The following FER variants were observed in gnomAD, a reference collection of about 807,000 sequenced individuals.
The protein encoded by FER is tyrosine-protein kinase Fer.
FER carries 63 observed loss-of-function variants against 111.0 expected under a neutral mutation model. The ratio of observed to expected loss-of-function variants is 0.57; its 90% confidence interval spans 0.46 to 0.70. The LOEUF (loss-of-function observed/expected upper bound fraction) is 0.70, where lower values mean the gene tolerates loss of function less well. Ranked by LOEUF, FER falls within the 30% of genes least tolerant of loss-of-function variation. The pLI, the probability that FER is intolerant of heterozygous loss-of-function variation, is 0.00. For synonymous variants in FER, 327 were observed against 313.9 expected (o/e 1.04, Z -0.44); for missense variants, 914 against 954.0 (o/e 0.96, Z 0.55).
intron 2 of FER, among the ~76,000 whole-genome samples, chr5:108,794,736 A>C (rs1755819567): frequency 6.6e-6 from 1 of 152,044 alleles, no homozygotes; most frequent in African/African-American, 2.4e-5. Context: ...TAAGATTTCC[A>C]CTGAAAAGGC....
chr5:108,952,630 T>A (rs1002056479), intron 11 of FER, among the ~76,000 whole-genome samples: 1 of 147,952 alleles, frequency 6.8e-6, no homozygotes, highest in Non-Finnish European at 1.5e-5. Context: ...GTGTGATCTT[T>A]ATGAGATAGC....
At chr5:108,882,350 A>G (rs1665915266) in intron 8 of FER, among the ~76,000 whole-genome samples, 1 of 151,982 alleles carries the variant, frequency 6.6e-6, no homozygotes, top group Non-Finnish European at 1.5e-5. Context: ...TGTCAATTTT[A>G]GTAGGTGAAA....
At chr5:108,789,223 C>A (rs1015215121) in intron 2 of FER, among the ~76,000 whole-genome samples, 2 of 152,138 alleles carry the variant, frequency 1.3e-5, no homozygotes, top group Non-Finnish European at 2.9e-5. Flanking sequence ...AAAATTGTAA[C>A]CTTGTGTTAA....
intron 17 of FER, among the ~76,000 whole-genome samples, chr5:109,107,466 G>C (rs556487675): frequency 2.0e-5 from 3 of 151,978 alleles, no homozygotes; most frequent in African/African-American, 7.2e-5. Flanking sequence ...TTCTTTTTCT[G>C]CTCCTCTCCC....
chr5:108,887,269 A>T (rs1747312972), intron 9 of FER, among the ~76,000 whole-genome samples: 1 of 151,722 alleles, frequency 6.6e-6, no homozygotes, highest in African/African-American at 2.4e-5. Context: ...AAAATATGAG[A>T]CTAAAACCAC....
chr5:109,047,296 C>A, intron 16 of FER, 98 bp downstream of exon 16: 2 of 675,682 alleles, frequency 3.0e-6, no homozygotes, highest in Non-Finnish European at 5.0e-6. Flanking sequence ...GTAAAGTCTC[C>A]AAGGATTTTG....
At chr5:108,865,119 A>C (rs1443890828) in intron 5 of FER, among the ~76,000 whole-genome samples, 1 of 152,194 alleles carries the variant, frequency 6.6e-6, no homozygotes, top group Non-Finnish European at 1.5e-5. Context: ...TCTTTGAAGC[A>C]ATTGTGAATG....
chr5:108,821,724 T>C (rs34793372), intron 3 of FER, among the ~76,000 whole-genome samples: 7,971 of 151,702 alleles, frequency 0.053, 298 homozygotes, highest in Non-Finnish European at 0.075. Flanking sequence ...ATAATTATTT[T>C]ATTTTTTAAG....
chr5:109,072,258 C>T (rs1188684680), intron 16 of FER, among the ~76,000 whole-genome samples: 5 of 151,060 alleles, frequency 3.3e-5, no homozygotes, highest in African/African-American at 9.7e-5. Flanking sequence ...ATTCTATGCT[C>T]GCAAATGAAA....
At chr5:109,143,391 A>G (rs897424341) in intron 17 of FER, among the ~76,000 whole-genome samples, 1 of 152,152 alleles carries the variant, frequency 6.6e-6, no homozygotes, top group Non-Finnish European at 1.5e-5. Context: ...AGGACAAGCA[A>G]AAACATTTGG....
At chr5:108,791,849 A>G (rs1158091028) in intron 2 of FER, among the ~76,000 whole-genome samples, 2 of 152,100 alleles carry the variant, frequency 1.3e-5, no homozygotes, top group Non-Finnish European at 2.9e-5. Context: ...TTCACAGTTA[A>G]TGTTTTGTGT....
chr5:109,163,259 A>G (rs1213050567), intron 17 of FER, among the ~76,000 whole-genome samples: 1 of 151,996 alleles, frequency 6.6e-6, no homozygotes, highest in Non-Finnish European at 1.5e-5. Context: ...TCATTGTATG[A>G]ATATATTACA....
At chr5:108,754,424 A>C (rs1750852090) in intron 1 of FER, among the ~76,000 whole-genome samples, 1 of 151,678 alleles carries the variant, frequency 6.6e-6, no homozygotes, top group African/African-American at 2.4e-5. Flanking sequence ...AAAAAAAAAA[A>C]AAAAAATAGT....
At chr5:108,783,813 G>A (rs1475417676) in intron 2 of FER, among the ~76,000 whole-genome samples, 8 of 152,074 alleles carry the variant, frequency 5.3e-5, no homozygotes, top group Non-Finnish European at 2.9e-5. Context: ...GGGAAGGGAT[G>A]GGCTGGGATT....
At chr5:108,748,156 T>TA (rs1163355582) in intron 1 of FER, among the ~76,000 whole-genome samples, 156 bp downstream of exon 1, 2 of 152,202 alleles carry the variant, frequency 1.3e-5, no homozygotes, top group Non-Finnish European at 2.9e-5. Context: ...GGACTCAGAG[T>TA]AAACTGGAGT....
intron 17 of FER, among the ~76,000 whole-genome samples, chr5:109,145,221 CA>C: frequency 6.6e-6 from 1 of 152,144 alleles, no homozygotes; most frequent in East Asian, 1.9e-4. Flanking sequence ...TCACTGACTT[CA>C]CCCAGTATGT....
intron 17 of FER, among the ~76,000 whole-genome samples, chr5:109,101,231 A>G (rs925344940): frequency 2.0e-5 from 3 of 151,976 alleles, no homozygotes; most frequent in Non-Finnish European, 4.4e-5. Context: ...GCTAAGTATA[A>G]ATAAGCACAA....
intron 16 of FER, among the ~76,000 whole-genome samples, chr5:109,058,921 C>T (rs1774016444): frequency 6.6e-6 from 1 of 150,498 alleles, no homozygotes; most frequent in Admixed American, 6.6e-5. Context: ...TTTAGTTTCA[C>T]CAAAAACAGG....
At chr5:108,755,077 C>T (rs973884909) in intron 1 of FER, among the ~76,000 whole-genome samples, 5 of 152,126 alleles carry the variant, frequency 3.3e-5, no homozygotes, top group East Asian at 1.9e-4. Context: ...CCTTCAGACC[C>T]GTACAATCCG....
Sources: gnomAD v4.1 joint callset for allele counts (sites outside exome capture counted in the v4.1 genomes callset) on GRCh38, gnomAD v4.1.1 for gene constraint, MANE v1.5 for transcripts, NCBI Gene and HGNC (gene_info 2026-07-23, HGNC 2026-07-21) for gene names.